The following CMIP variants were observed in gnomAD, a reference collection of about 807,000 sequenced individuals.
CMIP encodes C-Maf-inducing protein.
In CMIP, 13 loss-of-function variants were observed where a neutral mutation model predicts 97.3. The observed-to-expected ratio is 0.13, with a 90% confidence interval of 0.09 to 0.21. CMIP has a LOEUF of 0.21. Ranked by LOEUF, CMIP falls within the 10% of genes least tolerant of loss-of-function variation. CMIP has a pLI of 1.00. For synonymous variants in CMIP, 538 were observed against 436.3 expected (o/e 1.23, Z -2.91); for missense variants, 847 against 1,024.9 (o/e 0.83, Z 2.37).
intron 10 of CMIP, among the ~76,000 whole-genome samples, chr16:81,681,049 G>C (rs1904826025): frequency 6.6e-6 from 1 of 152,186 alleles, no homozygotes; most frequent in South Asian, 2.1e-4. Flanking sequence ...CAGGGTGCAG[G>C]TGGGGGTCAG....
intron 1 of CMIP, among the ~76,000 whole-genome samples, chr16:81,507,234 A>G (rs1170032795): frequency 1.3e-5 from 2 of 152,224 alleles, no homozygotes; most frequent in Non-Finnish European, 2.9e-5. Flanking sequence ...AGCCTGGGTG[A>G]CAGAGCTAGA....
rs2092086385 is a variant in CMIP at position 81,627,273 on chromosome 16, T to C, written c.477+6347T>C. Among the ~76,000 whole-genome samples, 1 of 151,964 alleles carries C rather than the reference T, an allele frequency of 6.6e-6. No individual in the cohort carries two copies. On this transcript the variant is annotated intron_variant, in intron 3 of 20. Coordinates refer to ENST00000537098, the MANE Select transcript of CMIP (RefSeq NM_198390.3). The surrounding 1 kb of genome is among the most constrained non-coding windows in gnomAD (Gnocchi z 4.6). ...GCCTGTGGGGATACTATGAGTATGC[T>C]GGTTTGGAGTGTGTTTCTTTGGGCC...
chr16:81,702,972 C>G (rs117203754), intron 17 of CMIP, among the ~76,000 whole-genome samples: 4 of 152,056 alleles, frequency 2.6e-5, no homozygotes, highest in Non-Finnish European at 5.9e-5. Flanking sequence ...GTCAGATGCT[C>G]TTCTATTAGT....
chr16:81,454,212 C>T (rs1028656282), intron 1 of CMIP, among the ~76,000 whole-genome samples: 2 of 152,292 alleles, frequency 1.3e-5, no homozygotes, highest in Non-Finnish European at 2.9e-5. Context: ...TTTATCGTAT[C>T]CCTACTGTGT....
At chr16:81,495,996 C>T (rs999847186) in intron 1 of CMIP, among the ~76,000 whole-genome samples, 3 of 152,106 alleles carry the variant, frequency 2.0e-5, no homozygotes, top group South Asian at 2.1e-4. Context: ...CTGGCAGGGG[C>T]GCAAAGGAAG....
At chr16:81,487,335 G>A (rs941107724) in intron 1 of CMIP, among the ~76,000 whole-genome samples, 3 of 152,196 alleles carry the variant, frequency 2.0e-5, no homozygotes, top group Non-Finnish European at 4.4e-5. Context: ...GGATTCCTGA[G>A]GTCCTGAGGA....
intron 3 of CMIP, among the ~76,000 whole-genome samples, chr16:81,628,421 C>G (rs1230049123): frequency 5.3e-5 from 8 of 152,270 alleles, no homozygotes; most frequent in African/African-American, 1.9e-4. Context: ...GGACACTTAA[C>G]TCCTGTCCCA....
chr16:81,657,063 T>A (rs529442442), intron 4 of CMIP, among the ~76,000 whole-genome samples: 80 of 150,956 alleles, frequency 5.3e-4, no homozygotes, highest in African/African-American at 1.7e-3. Context: ...AAAAAAAAAA[T>A]GGAAATCCAA....
chr16:81,574,151 A>G (rs12924701), intron 1 of CMIP, among the ~76,000 whole-genome samples: 68,898 of 152,094 alleles, frequency 0.45, 16,802 homozygotes, highest in Non-Finnish European at 0.55. Context: ...GAACATTTCC[A>G]TCATCGTAGT....
At position 81,489,318 on chromosome 16, in the gene CMIP, A is replaced by AG. The variant is rs573986374; in HGVS notation, c.300+43781dup. Among the ~76,000 whole-genome samples, 700 of 152,258 alleles carry AG rather than the reference A, an allele frequency of 4.6e-3. 5 individuals carry two copies. Among genetic ancestry groups the AG allele is most frequent in the African/African-American group, 0.016 (672 of 41,548 alleles). On this transcript the variant is annotated intron_variant, in intron 1 of 20. Transcript: ENST00000537098. ...GAGGAGCTGGAGTTGGTGGGTGAAGAGGGGAGGTAGTGCTTGTTCCCCACA... is the reference window on the plus strand; with the variant it reads ...GAGGAGCTGGAGTTGGTGGGTGAAGAGGGGGAGGTAGTGCTTGTTCCCCACA...
At chr16:81,477,131 A>G (rs557440035) in intron 1 of CMIP, among the ~76,000 whole-genome samples, 66 of 152,238 alleles carry the variant, frequency 4.3e-4, no homozygotes, top group South Asian at 1.7e-3. Flanking sequence ...TTTTGAAGAT[A>G]CACATCGGGC....
intron 2 of CMIP, among the ~76,000 whole-genome samples, chr16:81,609,741 C>T (rs1042891535): frequency 6.6e-6 from 1 of 152,090 alleles, no homozygotes; most frequent in Admixed American, 6.5e-5. Flanking sequence ...GCACACTCCC[C>T]GGGCAGAGGG....
intron 1 of CMIP, among the ~76,000 whole-genome samples, chr16:81,587,940 A>AGCTG (rs2091408634): frequency 4.6e-5 from 7 of 152,194 alleles, no homozygotes; most frequent in Admixed American, 4.6e-4. Context: ...CCTCCATGGA[A>AGCTG]GCCTGCAGCC....
intron 10 of CMIP, among the ~76,000 whole-genome samples, chr16:81,691,341 C>T (rs1906046727): frequency 6.6e-6 from 1 of 151,616 alleles, no homozygotes; most frequent in Non-Finnish European, 1.5e-5. Context: ...CGTCTACAGC[C>T]TCATTGTAAC....
At chr16:81,530,840 G>A (rs1382768049) in intron 1 of CMIP, among the ~76,000 whole-genome samples, 5 of 152,162 alleles carry the variant, frequency 3.3e-5, no homozygotes, top group Non-Finnish European at 7.3e-5. Flanking sequence ...GATCAGTTCA[G>A]CTTCTTCTGC....
intron 1 of CMIP, among the ~76,000 whole-genome samples, chr16:81,474,778 T>C (rs1269288599): frequency 6.6e-6 from 1 of 152,126 alleles, no homozygotes; most frequent in Non-Finnish European, 1.5e-5. Context: ...CCTTCCTGCC[T>C]CCTTGGTGCC....
intron 1 of CMIP, among the ~76,000 whole-genome samples, chr16:81,558,837 C>T (rs1353680444): frequency 6.6e-6 from 1 of 152,232 alleles, no homozygotes; most frequent in African/African-American, 2.4e-5. Context: ...AGTAGGCCCA[C>T]TGTTCCTCCC....
chr16:81,573,818 C>T (rs2091139768), intron 1 of CMIP, among the ~76,000 whole-genome samples: 1 of 152,196 alleles, frequency 6.6e-6, no homozygotes, highest in African/African-American at 2.4e-5. Context: ...AGTTAATGTG[C>T]TTAACGCATG....
intron 1 of CMIP, among the ~76,000 whole-genome samples, chr16:81,526,715 A>C (rs185614964): frequency 1.3e-5 from 2 of 152,348 alleles, no homozygotes. Context: ...GGCACAAAAA[A>C]GCTTAGGAAG....
Sources: allele counts gnomAD v4.1 joint callset (sites outside exome capture counted in the v4.1 genomes callset), GRCh38; gene constraint gnomAD v4.1.1; non-coding constraint Gnocchi (gnomAD v3.1); transcripts MANE v1.5; gene names NCBI Gene and HGNC (gene_info 2026-07-23, HGNC 2026-07-21).